MTLN: variants seen among roughly 807,000 people sequenced by gnomAD.
MTLN encodes the protein TP53-inhibiting lncRNA.
chr2:110,212,079 C>T (rs1333153309), intron 1 of MTLN, 136 bp downstream of exon 1: 1 of 329,402 alleles, frequency 3.0e-6, no homozygotes, highest in Non-Finnish European at 5.5e-6. Flanking sequence ...AGCAAGTTAT[C>T]AGGGAAGACA....
chr2:110,212,043 C>G (rs1686110891), intron 1 of MTLN, among the ~76,000 whole-genome samples, 172 bp downstream of exon 1: 1 of 152,156 alleles, frequency 6.6e-6, no homozygotes, highest in Non-Finnish European at 1.5e-5. Context: ...ATTAAACACC[C>G]AGTGAACCAA....
At chr2:110,212,021 T>TA (rs1686110684) in intron 1 of MTLN, among the ~76,000 whole-genome samples, 194 bp downstream of exon 1, 1 of 152,198 alleles carries the variant, frequency 6.6e-6, no homozygotes, top group African/African-American at 2.4e-5. Flanking sequence ...AGCACGTTGG[T>TA]AAGACATTCT....
At position 110,212,379 on chromosome 2, in the gene MTLN, C is replaced by A. The variant is rs187029300; in HGVS notation, c.147G>T (p.Thr49=). 2.2e-3 allele frequency: 893 copies of A among 399,258 alleles called. 16 individuals are homozygous for A. The Admixed American group carries it at 0.032, about 14-fold the overall frequency. 24.7% of individuals were successfully genotyped at this position (399,258 alleles called of 1,614,324 possible). A position where few individuals can be genotyped will look rare whatever the true frequency, so the allele number is the denominator to read the frequency against. The part of the protein sequence containing the change: ...KRRLQDKLAA[T]QKKLDLA ...CTCAGGCCAGGTCCAGCTTCTTCTG[C>A]GTCGCCGCCAGCTTGTCCTGCAGCC... Residue 49 remains threonine, a synonymous_variant, in exon 1 of 2, where the codon ACG becomes ACT. Coordinates refer to ENST00000611969, the MANE Select transcript of MTLN (RefSeq NM_001384134.1).
chr2:110,212,190 C>T (rs1209210387), intron 1 of MTLN, 25 bp downstream of exon 1: 37 of 396,186 alleles, frequency 9.3e-5, no homozygotes, highest in Non-Finnish European at 1.6e-4. Flanking sequence ...TCTCCCTTTG[C>T]AATGTCACTA....
intron 1 of MTLN, among the ~76,000 whole-genome samples, chr2:110,211,987 T>C (rs141807131): frequency 7.4e-4 from 112 of 152,282 alleles, no homozygotes; most frequent in African/African-American, 2.6e-3. Context: ...TGATGTTTAA[T>C]GTTGTCAGGA....
Position 110,212,504 on chromosome 2 carries a change from T to A in MTLN, c.22A>T (p.Thr8Ser), listed in dbSNP as rs1243747930. 1 of 398,748 alleles carries A rather than the reference T, an allele frequency of 2.5e-6. No individual in the cohort carries two copies. Among genetic ancestry groups the A allele is most frequent in the African/African-American group, 2.1e-5 (1 of 48,584 alleles). 24.7% of individuals were successfully genotyped at this position (398,748 alleles called of 1,614,324 possible). A position where few individuals can be genotyped will look rare whatever the true frequency, so the allele number is the denominator to read the frequency against. ...GCTACTAGCACGGACAACTGCAGTG[T>A]CCTCTCTGACACATCCGCCATGGCT... MADVSER[T>S]LQLSVLVAFA... is the part of the protein sequence containing the mutation. The change falls in exon 1 of 2, where the codon ACA becomes TCA. Residue 8 changes from threonine (T) to serine (S), a missense_variant. Coordinates refer to ENST00000611969, the MANE Select transcript of MTLN (RefSeq NM_001384134.1).
At position 110,212,291 on chromosome 2, in the gene MTLN, G is replaced by A. The variant is rs1686115376; in HGVS notation, c.*64C>T. 2.6e-6 allele frequency: 1 copy of A among 390,350 alleles called. No homozygotes were observed. The highest frequency in any genetic ancestry group is 4.4e-6 in the Non-Finnish European group (1 of 225,058). The allele number at this position is 390,350 out of a possible 1,614,324, so 24.2% of individuals were successfully genotyped here. On this transcript the variant is annotated 3_prime_UTR_variant, in exon 1 of 2. Transcript: ENST00000611969. ...TGGTTCTGGGCGCCGGCGGACCGGGGCTCCGGCGCGGACATGGCAAGGTGG... is the reference window on the plus strand; with the variant it reads ...TGGTTCTGGGCGCCGGCGGACCGGGACTCCGGCGCGGACATGGCAAGGTGG...
intron 1 of MTLN, 61 bp from the exon 2 acceptor site, chr2:110,211,683 C>T (rs1002220318): frequency 6.6e-6 from 1 of 152,112 alleles, no homozygotes; most frequent in African/African-American, 2.4e-5. Context: ...TCAAGCCGTA[C>T]TGTGGTATTA....
intron 1 of MTLN, 137 bp from the exon 2 acceptor site, chr2:110,211,759 G>A (rs1366520801): frequency 6.6e-6 from 1 of 152,140 alleles, no homozygotes; most frequent in Non-Finnish European, 1.5e-5. Flanking sequence ...ATCATGCACA[G>A]CTCTTCTGAA....
rs35422588 is a variant in MTLN at position 110,211,635 on chromosome 2, G to GA, written c.*141-14dup. On this transcript the variant is annotated splice_polypyrimidine_tract_variant and intron_variant, in intron 1 of 1. Transcript: ENST00000611969. The stretch of plus-strand genomic sequence containing the variant: ...CATCTTCAACAAGCTGTTAGAAACA[G>GA]AAAAGAGAAAAAAATTAGAAATACA... 6.6e-6 allele frequency: 1 copy of GA among 152,104 alleles called. No homozygotes were observed. Among genetic ancestry groups the GA allele is most frequent in the African/African-American group, 2.4e-5 (1 of 41,420 alleles). The allele number at this position is 152,104 out of a possible 1,614,324, so 9.4% of individuals were successfully genotyped here.
chr2:110,212,510 C>T lies in MTLN; in HGVS notation c.16G>A (p.Glu6Lys). The change falls in exon 1 of 2, where the codon GAG (glutamate) becomes AAG (lysine). Residue 6 changes from glutamate to lysine, a missense_variant. By Grantham distance (56) the Glu-to-Lys change is moderately conservative. Transcript: ENST00000611969. Reference sequence around the variant, plus strand: ...AGCACGGACAACTGCAGTGTCCTCTCTGACACATCCGCCATGGCTGCCGCC... The same window carrying T: ...AGCACGGACAACTGCAGTGTCCTCTTTGACACATCCGCCATGGCTGCCGCC... The part of the protein sequence containing the change: MADVS[E>K]RTLQLSVLVA... 2.5e-6 allele frequency: 1 copy of T among 398,938 alleles called. No homozygotes were observed. Among genetic ancestry groups the T allele is most frequent in the Non-Finnish European group, 4.4e-6 (1 of 225,988 alleles). The allele number at this position is 398,938 out of a possible 1,614,324, so 24.7% of individuals were successfully genotyped here. A position where few individuals can be genotyped will look rare whatever the true frequency, so the allele number is the denominator to read the frequency against.
chr2:110,211,764 T>C (rs557126705), intron 1 of MTLN, 142 bp from the exon 2 acceptor site: 1 of 152,318 alleles, frequency 6.6e-6, no homozygotes, highest in South Asian at 2.1e-4. Context: ...GCACAGCTCT[T>C]CTGAAGAGCT....
intron 1 of MTLN, among the ~76,000 whole-genome samples, 182 bp from the exon 2 acceptor site, chr2:110,211,804 G>C (rs1686107157): frequency 6.6e-6 from 1 of 152,156 alleles, no homozygotes. Context: ...CTGACTTCCA[G>C]GCCACTGCTC....
rs1274139278 is a variant in MTLN at position 110,211,913 on chromosome 2, T to A, written c.*141-291A>T. On this transcript the variant is annotated intron_variant, in intron 1 of 1. Transcript: ENST00000611969. ...TAACAAGGATGTTACTGAAAAGAAT[T>A]GGGGGTGGCAAGATCACCTCCCTGG... Among the ~76,000 whole-genome samples the A allele has an allele frequency of 1.3e-5, 2 of 152,214 alleles. 1 individual carries two copies. The highest frequency in any genetic ancestry group is 4.8e-5 in the African/African-American group (2 of 41,466).
intron 1 of MTLN, among the ~76,000 whole-genome samples, chr2:110,211,984 T>C (rs985801029): frequency 8.5e-5 from 13 of 152,174 alleles, no homozygotes; most frequent in Admixed American, 3.3e-4. Flanking sequence ...TACTGATGTT[T>C]AATGTTGTCA....
At position 110,211,621 on chromosome 2, in the gene MTLN, A is replaced by T. The variant is rs1279581946; in HGVS notation, c.*142T>A. 1 of 152,222 alleles carries T rather than the reference A, an allele frequency of 6.6e-6. No individual in the cohort carries two copies. Among genetic ancestry groups the T allele is most frequent in the East Asian group, 1.9e-4 (1 of 5,198 alleles). 9.4% of individuals were successfully genotyped at this position (152,222 alleles called of 1,614,324 possible). A position where few individuals can be genotyped will look rare whatever the true frequency, so the allele number is the denominator to read the frequency against. ...CGGTAGTCTATATGCATCTTCAACA[A>T]GCTGTTAGAAACAGAAAAGAGAAAA... On this transcript the variant is annotated splice_region_variant and 3_prime_UTR_variant, in exon 2 of 2. Transcript: ENST00000611969.
rs1308814720 is a variant in MTLN, at chr2:110,212,396, C to A, written c.130G>T (p.Asp44Tyr). Residue 44 changes from aspartate (D) to tyrosine (Y), a missense_variant, in exon 1 of 2, where the codon GAC becomes TAC. By Grantham distance (160) the Asp-to-Tyr change is radical (BLOSUM62 -3). Coordinates refer to ENST00000611969, the MANE Select transcript of MTLN (RefSeq NM_001384134.1). Reference protein sequence around the residue: ...YLDWRKRRLQDKLAATQKKLD... With the variant: ...YLDWRKRRLQYKLAATQKKLD... ...TTCTTCTGCGTCGCCGCCAGCTTGT[C>A]CTGCAGCCTCCTTTTCCTCCAGTCC... 1.0e-5 allele frequency: 4 copies of A among 399,056 alleles called. No individual in the cohort carries two copies. In the East Asian group the frequency reaches 1.4e-4, roughly 14 times the overall value. 24.7% of individuals were successfully genotyped at this position (399,056 alleles called of 1,614,324 possible).
At chr2:110,212,065 G>A (rs1223775522) in intron 1 of MTLN, 150 bp downstream of exon 1, 14 of 302,742 alleles carry the variant, frequency 4.6e-5, no homozygotes, top group Non-Finnish European at 7.9e-5. Flanking sequence ...CCAAGATACC[G>A]AAGAGCAAGT....
rs1195349523 is a variant in MTLN, at chr2:110,212,334, T to C, written c.*21A>G. 3 of 396,974 alleles carry C rather than the reference T, an allele frequency of 7.6e-6. No homozygotes were observed. Among genetic ancestry groups the C allele is most frequent in the Admixed American group, 4.4e-5 (1 of 22,622 alleles). The allele number at this position is 396,974 out of a possible 1,614,324, so 24.6% of individuals were successfully genotyped here. A position where few individuals can be genotyped will look rare whatever the true frequency, so the allele number is the denominator to read the frequency against. ...CAAGGTGGCCATGAGGGGGACAGAATGGGGCGGAAGGCGCAGAGTCTCAGG... is the reference window on the plus strand; with the variant it reads ...CAAGGTGGCCATGAGGGGGACAGAACGGGGCGGAAGGCGCAGAGTCTCAGG... On this transcript the variant is annotated 3_prime_UTR_variant, in exon 1 of 2. Coordinates refer to ENST00000611969, the MANE Select transcript of MTLN (RefSeq NM_001384134.1).
Sources: gnomAD v4.1 joint callset for allele counts (sites outside exome capture counted in the v4.1 genomes callset) on GRCh38, gnomAD v4.1.1 for gene constraint, MANE v1.5 for transcripts, NCBI Gene and HGNC (gene_info 2026-07-23, HGNC 2026-07-21) for gene names.